The following UBE2E1 variants were observed in gnomAD, a reference collection of about 807,000 sequenced individuals.
The protein encoded by UBE2E1 is ubiquitin conjugating enzyme E2 E1, also known as ubiquitin-conjugating enzyme E2 E1.
Under a neutral mutation model 21.4 loss-of-function variants are expected in UBE2E1, and 6 were observed. The observed-to-expected ratio is 0.28, with a 90% CI of 0.15 to 0.55. The LOEUF (loss-of-function observed/expected upper bound fraction) is 0.55. Among genes scored for constraint, UBE2E1 ranks in the 20% least tolerant of loss-of-function variants. The pLI, the probability that UBE2E1 is intolerant of heterozygous loss-of-function variation, is 0.93. For missense variants in UBE2E1, 142 were observed against 236.5 expected, an observed-to-expected ratio of 0.60 and a Z score of 2.62; for synonymous variants, 87 against 82.7, an observed-to-expected ratio of 1.05 and a Z score of -0.28.
In UBE2E1 at chr3:23,863,094, T is replaced by TA; in HGVS notation, c.204-24472dup. ...AAACTATTCCCAGCATTTTGCTCTC[T>TA]AGTGGCAACTACTTGTACCTCCTTG... is the stretch of plus-strand genomic sequence containing the variant. On this transcript the variant is annotated intron_variant, in intron 3 of 5. Coordinates refer to ENST00000306627, the MANE Select transcript of UBE2E1 (RefSeq NM_003341.5). This position sits in a 1 kb window ranked among gnomAD's most constrained non-coding sequence, Gnocchi z 4.3. 6.6e-6 allele frequency among the ~76,000 whole-genome samples: 1 copy of TA among 152,242 alleles called. No homozygotes were observed. Among genetic ancestry groups the TA allele is most frequent in the East Asian group, 1.9e-4 (1 of 5,190 alleles).
At chr3:23,811,603 T>A in intron 3 of UBE2E1, 93 bp downstream of exon 3, 1 of 1,234,762 alleles carries the variant, frequency 8.1e-7, no homozygotes. Flanking sequence ...CTTTGATTCT[T>A]TGGCTAATGC....
intron 3 of UBE2E1, among the ~76,000 whole-genome samples, chr3:23,849,343 T>G (rs1700273569): frequency 6.6e-6 from 1 of 152,210 alleles, no homozygotes; most frequent in Non-Finnish European, 1.5e-5. Context: ...ATTTTTAAAT[T>G]TCTTTTTGAA....
At chr3:23,828,906 G>A (rs1699808944) in intron 3 of UBE2E1, among the ~76,000 whole-genome samples, 1 of 152,158 alleles carries the variant, frequency 6.6e-6, no homozygotes, top group African/African-American at 2.4e-5. Flanking sequence ...CTAAGGAAGA[G>A]GGAAAATGTC....
At chr3:23,817,658 A>G (rs1575804149) in intron 3 of UBE2E1, among the ~76,000 whole-genome samples, 1 of 152,086 alleles carries the variant, frequency 6.6e-6, no homozygotes, top group East Asian at 1.9e-4. Flanking sequence ...GGAAGGCTTC[A>G]TGGAAGAGGT....
Position 23,873,626 on chromosome 3 carries a change from A to T in UBE2E1, c.204-13941A>T, listed in dbSNP as rs557093645. 9.1e-4 allele frequency among the ~76,000 whole-genome samples: 138 copies of T among 152,162 alleles called. 1 individual carries two copies. Among genetic ancestry groups the T allele is most frequent in the African/African-American group, 2.8e-3 (118 of 41,502 alleles). ...GCAGGCATGGTGGCGTGTGCCTGTA[A>T]TCCCAGCTACTCGGGAGGCTGAGGC... On this transcript the variant is annotated intron_variant, in intron 3 of 5. Transcript: ENST00000306627.
chr3:23,872,196 C>G (rs1228219931), intron 3 of UBE2E1, among the ~76,000 whole-genome samples: 1 of 152,186 alleles, frequency 6.6e-6, no homozygotes. Context: ...CACAGCGAAA[C>G]CCCGTCTCCA....
intron 3 of UBE2E1, 119 bp downstream of exon 3, chr3:23,811,629 C>CA: frequency 1.1e-6 from 1 of 882,248 alleles, no homozygotes; most frequent in Non-Finnish European, 1.8e-6. Flanking sequence ...ATGGCACTAA[C>CA]ATCACGTAAC....
intron 3 of UBE2E1, among the ~76,000 whole-genome samples, chr3:23,849,561 T>C (rs983933030): frequency 5.9e-5 from 9 of 152,180 alleles, no homozygotes; most frequent in African/African-American, 2.2e-4. Context: ...CCTGTGTCCA[T>C]GTGTTTTCAT....
intron 3 of UBE2E1, among the ~76,000 whole-genome samples, chr3:23,861,342 T>A (rs190409768): frequency 1.5e-4 from 23 of 152,332 alleles, no homozygotes; most frequent in Non-Finnish European, 2.5e-4. Flanking sequence ...TTGTTTGATG[T>A]TTTCAGTGTT....
chr3:23,843,341 CTGT>C (rs1458288392), intron 3 of UBE2E1, among the ~76,000 whole-genome samples: 1 of 152,160 alleles, frequency 6.6e-6, no homozygotes, highest in African/African-American at 2.4e-5. Context: ...ACATTCGGAA[CTGT>C]GCACAATGTT....
At chr3:23,864,006 G>C (rs1700604945) in intron 3 of UBE2E1, among the ~76,000 whole-genome samples, 1 of 151,988 alleles carries the variant, frequency 6.6e-6, no homozygotes, top group South Asian at 2.1e-4. Context: ...TCTTTTTCTT[G>C]TTTATGCCCT....
rs1700978124 is a variant in UBE2E1 at position 23,878,994 on chromosome 3, C to G, written c.204-8573C>G. The G allele has an allele frequency of 6.3e-6, 3 of 475,616 alleles. No individual in the cohort carries two copies. The Admixed American group carries it at 7.2e-5, about 11-fold the overall frequency. The allele number at this position is 475,616 out of a possible 1,614,324, so 29.5% of individuals were successfully genotyped here. ...TGTGGACTGCTGCTTTAGTCCATCT[C>G]CTATGATTGCACAGGTAAGCTGCAA... On this transcript the variant is annotated intron_variant, in intron 3 of 5. Coordinates refer to ENST00000306627, the MANE Select transcript of UBE2E1 (RefSeq NM_003341.5).
chr3:23,837,981 C>A (rs1173220164), intron 3 of UBE2E1, among the ~76,000 whole-genome samples: 1 of 151,960 alleles, frequency 6.6e-6, no homozygotes, highest in South Asian at 2.1e-4. Context: ...CAAAGAAGTT[C>A]TTTTCATTGG....
At position 23,811,856 on chromosome 3, in the gene UBE2E1, G is replaced by GA. The variant is rs1200724066; in HGVS notation, c.203+350dup. Among the ~76,000 whole-genome samples, 5 of 152,210 alleles carry GA rather than the reference G, an allele frequency of 3.3e-5. No individual in the cohort carries two copies. In the East Asian group the frequency reaches 9.6e-4, roughly 29 times the overall value. On this transcript the variant is annotated intron_variant, in intron 3 of 5. Transcript: ENST00000306627. ...CAGATGCGAAGGACATTTTGGTTTG[G>GA]AAAACTGCTTTGCTACAGTAATCTC...
chr3:23,841,873 C>T (rs1575823397), intron 3 of UBE2E1, among the ~76,000 whole-genome samples: 1 of 151,910 alleles, frequency 6.6e-6, no homozygotes, highest in African/African-American at 2.4e-5. Flanking sequence ...GTTTTGTGGA[C>T]GTATGTTTGG....
In UBE2E1 at chr3:23,818,085, A is replaced by G. The variant is rs62255308; in HGVS notation, c.203+6575A>G. 1.9e-3 allele frequency among the ~76,000 whole-genome samples: 287 copies of G among 152,326 alleles called. 2 individuals are homozygous for G. The highest frequency in any genetic ancestry group is 3.8e-3 in the Non-Finnish European group (256 of 68,024). ...TGGAGAGGAAAGAGAGGTAGAAGACAGTAGAATCCATAGAACTTAGCCACT... is the reference window on the plus strand; with the variant it reads ...TGGAGAGGAAAGAGAGGTAGAAGACGGTAGAATCCATAGAACTTAGCCACT... On this transcript the variant is annotated intron_variant, in intron 3 of 5. Transcript: ENST00000306627.
chr3:23,890,705 G>T lies in UBE2E1; in HGVS notation c.*99G>T. ...GAGGGTGGGAGTTGGTAAAGAGTAG[G>T]GTATTTCTATAACAGATATTATTCA... On this transcript the variant is annotated 3_prime_UTR_variant, in exon 6 of 6. Coordinates refer to ENST00000306627, the MANE Select transcript of UBE2E1 (RefSeq NM_003341.5). 9.5e-7 allele frequency: 1 copy of T among 1,054,794 alleles called. No homozygotes were observed. Among genetic ancestry groups the T allele is most frequent in the Non-Finnish European group, 1.3e-6 (1 of 743,320 alleles). 65.3% of individuals were successfully genotyped at this position (1,054,794 alleles called of 1,614,324 possible). A position where few individuals can be genotyped will look rare whatever the true frequency, so the allele number is the denominator to read the frequency against.
rs1699690494 is a variant in UBE2E1, at chr3:23,823,578, T to A, written c.203+12068T>A. Among the ~76,000 whole-genome samples, 1 of 152,236 alleles carries A rather than the reference T, an allele frequency of 6.6e-6. No individual in the cohort carries two copies. Among genetic ancestry groups the A allele is most frequent in the Non-Finnish European group, 1.5e-5 (1 of 68,040 alleles). On this transcript the variant is annotated intron_variant, in intron 3 of 5. Coordinates refer to ENST00000306627, the MANE Select transcript of UBE2E1 (RefSeq NM_003341.5). The surrounding 1 kb of genome is among the most constrained non-coding windows in gnomAD (Gnocchi z 4.2). ...TATATTAGAATTGGTGTTATAAAAA[T>A]TTATTTCTTAGCAGACTTTGCTACA...
Position 23,806,845 on chromosome 3 carries a change from C to A in UBE2E1, c.-33-392C>A, listed in dbSNP as rs72625887. On this transcript the variant is annotated intron_variant, in intron 1 of 5. Transcript: ENST00000306627. The surrounding 1 kb of genome is among the most constrained non-coding windows in gnomAD (Gnocchi z 6.5). ...CGGGCCACCGGCCCCTCACGACCCC[C>A]GGAAAGCGGACAAAAACAGCCCCGA... 475 of 156,406 alleles carry A rather than the reference C, an allele frequency of 3.0e-3. 15 individuals carry two copies. In the East Asian group the frequency reaches 0.048, roughly 16 times the overall value. The allele number at this position is 156,406 out of a possible 1,614,324, so 9.7% of individuals were successfully genotyped here.
Sources: allele counts gnomAD v4.1 joint callset (sites outside exome capture counted in the v4.1 genomes callset), GRCh38; gene constraint gnomAD v4.1.1; non-coding constraint Gnocchi (gnomAD v3.1); transcripts MANE v1.5; gene names NCBI Gene and HGNC (gene_info 2026-07-23, HGNC 2026-07-21).